EVA1B: variants seen among roughly 807,000 people sequenced by gnomAD.
The protein encoded by EVA1B is eva-1 homolog B.
A neutral mutation model predicts 4.6 loss-of-function variants in EVA1B; 2 were observed. The ratio of observed to expected loss-of-function variants is 0.43; its 90% confidence interval spans 0.18 to 1.37. The LOEUF (loss-of-function observed/expected upper bound fraction) is 1.37, where lower values mean the gene tolerates loss of function less well. Ranked by LOEUF, EVA1B falls within the 40% of genes most tolerant of loss-of-function variation. EVA1B has a pLI of 0.28. For missense variants in EVA1B, 263 were observed against 240.4 expected (o/e 1.09, Z -0.62); for synonymous variants, 124 against 115.8 (o/e 1.07, Z -0.46).
upstream of EVA1B, chr1:36,324,017 C>T (rs1037872202): frequency 6.6e-6 from 1 of 152,352 alleles, no homozygotes; most frequent in African/African-American, 2.4e-5. Context: ...GCTCTCTGAT[C>T]CTAAAGCCTG....
chr1:36,322,296 C>T lies in EVA1B; in HGVS notation c.497G>A (p.Ter166=), dbSNP rs766647417. ...CCTTGCAGCGGGAGCCGGGGCCCAT[C>T]AGTAATAGTGCATGCGGCCCAGGGT... is the stretch of plus-strand genomic sequence containing the variant. The part of the protein sequence containing the change: ...TGTLGRMHYY[*] Residue 166 remains the stop codon, a stop_retained_variant, in exon 3 of 3, where the codon TGA becomes TAA. Transcript: ENST00000490466. 2 of 1,514,980 alleles carry T rather than the reference C, an allele frequency of 1.3e-6. No homozygotes were observed. Among genetic ancestry groups the T allele is most frequent in the South Asian group, 1.2e-5 (1 of 80,070 alleles). 93.8% of individuals were successfully genotyped at this position (1,514,980 alleles called of 1,614,324 possible). A position where few individuals can be genotyped will look rare whatever the true frequency, so the allele number is the denominator to read the frequency against.
At chr1:36,323,128 C>A in intron 1 of EVA1B, 61 bp from the exon 2 acceptor site, 2 of 1,402,254 alleles carry the variant, frequency 1.4e-6, no homozygotes, top group Non-Finnish European at 1.9e-6. Flanking sequence ...ACCCCTTCCG[C>A]GGGCAGCTCC....
chr1:36,322,903 C>T, intron 2 of EVA1B, 68 bp downstream of exon 2: 1 of 1,579,974 alleles, frequency 6.3e-7, no homozygotes, highest in Non-Finnish European at 8.6e-7. Flanking sequence ...GGACAAGGCG[C>T]TGGGGAGGGA....
chr1:36,324,049 C>G (rs570640163), upstream of EVA1B: 3 of 152,424 alleles, frequency 2.0e-5, no homozygotes, highest in East Asian at 5.8e-4. Context: ...ACCGCTCCCC[C>G]TCCTAGGAGG....
Position 36,322,246 on chromosome 1 carries a change from A to C in EVA1B, c.*49T>G. The C allele has an allele frequency of 6.9e-7, 1 of 1,443,086 alleles. No homozygotes were observed. The highest frequency in any genetic ancestry group is 2.6e-5 in the Admixed American group (1 of 38,750). 89.4% of individuals were successfully genotyped at this position (1,443,086 alleles called of 1,614,324 possible). A position where few individuals can be genotyped will look rare whatever the true frequency, so the allele number is the denominator to read the frequency against. On this transcript the variant is annotated 3_prime_UTR_variant, in exon 3 of 3. Coordinates refer to ENST00000490466, the MANE Select transcript of EVA1B (RefSeq NM_001304762.2). The stretch of plus-strand genomic sequence containing the variant: ...GAAGGTGTGGGGTAGCTCTGAGCTC[A>C]TGTGCAGGTCCGGTACCCCGAGCGC...
At chr1:36,323,195 G>A (rs1385066122) in intron 1 of EVA1B, 128 bp from the exon 2 acceptor site, 1 of 765,744 alleles carries the variant, frequency 1.3e-6, no homozygotes, top group Non-Finnish European at 2.0e-6. Context: ...CCCTAACTTC[G>A]TGGCGGCCCG....
In EVA1B at chr1:36,322,694, C is replaced by T; in HGVS notation, c.99G>A (p.Val33=). 6.5e-7 allele frequency: 1 copy of T among 1,547,410 alleles called. No homozygotes were observed. The highest frequency in any genetic ancestry group is 1.2e-5 in the South Asian group (1 of 84,002). The change falls in exon 3 of 3, where the codon GTG becomes GTA. Residue 33 remains valine (V), a synonymous_variant. Coordinates refer to ENST00000490466, the MANE Select transcript of EVA1B (RefSeq NM_001304762.2). ...ANPESFGLYF[V]LGVCFGLLLT... ...GCAGCAGGCCGAAGCAGACGCCCAG[C>T]ACGAAGTAGAGGCCGAAGCTCTCGG...
At position 36,322,101 on chromosome 1, in the gene EVA1B, C is replaced by T; in HGVS notation, c.*194G>A. On this transcript the variant is annotated 3_prime_UTR_variant, in exon 3 of 3. Coordinates refer to ENST00000490466, the MANE Select transcript of EVA1B (RefSeq NM_001304762.2). The stretch of plus-strand genomic sequence containing the variant: ...TCGACCCCAGAGAGGGAGTGGGGAC[C>T]CTGCATGCTGCCCCCTCCCCGCCCC... 7.4e-7 allele frequency: 1 copy of T among 1,357,738 alleles called. No homozygotes were observed. Among genetic ancestry groups the T allele is most frequent in the South Asian group, 1.8e-5 (1 of 57,050 alleles). The allele number at this position is 1,357,738 out of a possible 1,614,324, so 84.1% of individuals were successfully genotyped here.
At chr1:36,322,812 G>T (rs1283282034) in intron 2 of EVA1B, 87 bp from the exon 3 acceptor site, 9 of 1,490,996 alleles carry the variant, frequency 6.0e-6, no homozygotes, top group Admixed American at 5.9e-5. Flanking sequence ...CTAGGTGTGG[G>T]GGCGAGGCCT....
chr1:36,322,319 G>T lies in EVA1B; in HGVS notation c.474C>A (p.Thr158=). Residue 158 remains threonine, a synonymous_variant, in exon 3 of 3, where the codon ACC becomes ACA. Transcript: ENST00000490466. ...ATCAGTAATAGTGCATGCGGCCCAGGGTGCCCGTGGCCGTGGGGCTGGGCC... is the reference window on the plus strand; with the variant it reads ...ATCAGTAATAGTGCATGCGGCCCAGTGTGCCCGTGGCCGTGGGGCTGGGCC... ...TLGPSPTATG[T]LGRMHYY is the part of the protein sequence containing the mutation. 6.4e-7 allele frequency: 1 copy of T among 1,556,350 alleles called. No individual in the cohort carries two copies.
chr1:36,322,427 C>A lies in EVA1B; in HGVS notation c.366G>T (p.Ala122=). 1.2e-6 allele frequency: 2 copies of A among 1,602,906 alleles called. No homozygotes were observed. Among genetic ancestry groups the A allele is most frequent in the South Asian group, 2.2e-5 (2 of 90,968 alleles). The change falls in exon 3 of 3, where the codon GCG becomes GCT. Residue 122 remains alanine (A), a synonymous_variant. Coordinates refer to ENST00000490466, the MANE Select transcript of EVA1B (RefSeq NM_001304762.2). The part of the protein sequence containing the change: ...VFTSAEELER[A]QRLEERERIL... ...TCCGTTCGCGCTCCTCCAGCCGCTGCGCCCGCTCCAGCTCCTCCGCCGACG... is the reference window on the plus strand; with the variant it reads ...TCCGTTCGCGCTCCTCCAGCCGCTGAGCCCGCTCCAGCTCCTCCGCCGACG...
rs756195604 is a variant in EVA1B, at chr1:36,323,060, C to T, written c.-23G>A. On this transcript the variant is annotated 5_prime_UTR_variant, in exon 2 of 3. Coordinates refer to ENST00000490466, the MANE Select transcript of EVA1B (RefSeq NM_001304762.2). Reference sequence around the variant, plus strand: ...CATGCTGCTCTGGGGGGCAGCTCCCCTACCAGCCTGCGAGGTCAGCAAAGT... The same window carrying T: ...CATGCTGCTCTGGGGGGCAGCTCCCTTACCAGCCTGCGAGGTCAGCAAAGT... 1 of 1,595,458 alleles carries T rather than the reference C, an allele frequency of 6.3e-7. No individual in the cohort carries two copies. Among genetic ancestry groups the T allele is most frequent in the Admixed American group, 1.8e-5 (1 of 54,236 alleles).
rs1646486997 is a variant in EVA1B at position 36,322,653 on chromosome 1, A to T, written c.140T>A (p.Leu47His). 1.3e-6 allele frequency: 2 copies of T among 1,545,794 alleles called. No individual in the cohort carries two copies. The highest frequency in any genetic ancestry group is 1.7e-6 in the Non-Finnish European group (2 of 1,146,680). ...GGGCGCCCACGAGATGCTGATGACG[A>T]GCAGGCAGAGGGTGAGCAGCAGGCC... Reference protein sequence around the residue: ...CFGLLLTLCLLVISISWAPRP... With the variant: ...CFGLLLTLCLHVISISWAPRP... Residue 47 changes from leucine to histidine, a missense_variant, in exon 3 of 3, where the codon CTC (leucine) becomes CAC (histidine). Leu to His is a moderately conservative substitution (Grantham distance 99). Transcript: ENST00000490466.
intron 1 of EVA1B, 92 bp downstream of exon 1, chr1:36,323,367 A>C: frequency 3.8e-6 from 1 of 264,750 alleles, no homozygotes; most frequent in Non-Finnish European, 7.2e-6. Flanking sequence ...CTGAGCCTCC[A>C]CGCCCCAGGC....
At chr1:36,323,849 C>T (rs1646512139), upstream of EVA1B, 1 of 152,252 alleles carries the variant, frequency 6.6e-6, no homozygotes, top group Non-Finnish European at 1.5e-5. Flanking sequence ...GCTCTGCCTG[C>T]GTGCGGGCCA....
chr1:36,322,330 C>T lies in EVA1B; in HGVS notation c.463G>A (p.Ala155Thr). Reference protein sequence around the residue: ...GTGTLGPSPTATGTLGRMHYY With the variant: ...GTGTLGPSPTTTGTLGRMHYY ...TGCATGCGGCCCAGGGTGCCCGTGG[C>T]CGTGGGGCTGGGCCCCAGCGTGCCT... is the stretch of plus-strand genomic sequence containing the variant. The change falls in exon 3 of 3, where the codon GCC becomes ACC. Residue 155 changes from alanine to threonine, a missense_variant. Transcript: ENST00000490466. 1.3e-6 allele frequency: 2 copies of T among 1,566,716 alleles called. No individual in the cohort carries two copies. Among genetic ancestry groups the T allele is most frequent in the South Asian group, 2.3e-5 (2 of 86,770 alleles).
intron 1 of EVA1B, 58 bp downstream of exon 1, chr1:36,323,399 CCT>C: frequency 5.2e-6 from 1 of 193,002 alleles, no homozygotes; most frequent in Non-Finnish European, 1.1e-5. Context: ...AGGGAAGCTG[CCT>C]CTCTCCTCGC....
intron 2 of EVA1B, 73 bp downstream of exon 2, chr1:36,322,898 A>G: frequency 2.5e-6 from 4 of 1,571,536 alleles, no homozygotes; most frequent in Non-Finnish European, 8.7e-7. Context: ...GGGACGGACA[A>G]GGCGCTGGGG....
At position 36,322,129 on chromosome 1, in the gene EVA1B, G is replaced by A; in HGVS notation, c.*166C>T. On this transcript the variant is annotated 3_prime_UTR_variant, in exon 3 of 3. Transcript: ENST00000490466. ...GCATGCTGCCCCCTCCCCGCCCCCG[G>A]GGTCTTCTGGCAGGACTGGGGAAGG... 7.4e-7 allele frequency: 1 copy of A among 1,353,522 alleles called. No homozygotes were observed. Among genetic ancestry groups the A allele is most frequent in the South Asian group, 1.7e-5 (1 of 58,626 alleles). 83.8% of individuals were successfully genotyped at this position (1,353,522 alleles called of 1,614,324 possible).
Sources: allele counts gnomAD v4.1 joint callset, GRCh38; gene constraint gnomAD v4.1.1; transcripts MANE v1.5; gene names NCBI Gene and HGNC (gene_info 2026-07-23, HGNC 2026-07-21).